The following PTPN12 variants were observed in gnomAD, a reference collection of about 807,000 sequenced individuals.
The protein encoded by PTPN12 is tyrosine-protein phosphatase non-receptor type 12.
A neutral mutation model predicts 97.6 loss-of-function variants in PTPN12; 29 were observed. That is an observed-to-expected ratio of 0.30 (90% CI 0.22 to 0.41). The LOEUF (loss-of-function observed/expected upper bound fraction) is 0.41, where lower values mean the gene tolerates loss of function less well. PTPN12 is among the 10% of genes least tolerant of loss of function. The probability of loss-of-function intolerance (pLI) is 1.00; values close to 1 mark genes in which losing one functional copy is unlikely to be tolerated. For synonymous variants in PTPN12, 327 were observed against 300.4 expected, an observed-to-expected ratio of 1.09 and a Z score of -0.91; for missense variants, 819 against 926.0, an observed-to-expected ratio of 0.88 and a Z score of 1.50.
At chr7:77,621,252 C>A (rs1788927545) in intron 12 of PTPN12, among the ~76,000 whole-genome samples, 1 of 152,122 alleles carries the variant, frequency 6.6e-6, no homozygotes, top group African/African-American at 2.4e-5. Context: ...CGGGCAGAAA[C>A]ACACATGGAG....
chr7:77,585,635 G>T, intron 5 of PTPN12, 54 bp downstream of exon 5: 1 of 1,453,730 alleles, frequency 6.9e-7, no homozygotes, highest in Non-Finnish European at 9.6e-7. Context: ...AATATTCTTA[G>T]TCTTTTATTA....
At chr7:77,542,270 A>G (rs1377161002) in intron 1 of PTPN12, among the ~76,000 whole-genome samples, 1 of 152,180 alleles carries the variant, frequency 6.6e-6, no homozygotes, top group Non-Finnish European at 1.5e-5. Flanking sequence ...GAAAATAGAC[A>G]TGCTGGTCCA....
chr7:77,569,388 GCT>G lies in PTPN12; in HGVS notation c.100-1684_100-1683del, dbSNP rs138848819. 1.3e-4 allele frequency among the ~76,000 whole-genome samples: 20 copies of G among 152,120 alleles called. No individual in the cohort carries two copies. The East Asian group carries it at 3.7e-3, about 28-fold the overall frequency. ...AAAAAGCTAACTCATTTGTTTTTCA[GCT>G]CTCTCATATTTGATGGTATGAATAA... is the stretch of plus-strand genomic sequence containing the variant. On this transcript the variant is annotated intron_variant, in intron 1 of 17. Coordinates refer to ENST00000248594, the MANE Select transcript of PTPN12 (RefSeq NM_002835.4).
intron 8 of PTPN12, among the ~76,000 whole-genome samples, chr7:77,602,920 TTTA>T (rs1377303141): frequency 1.3e-4 from 20 of 152,208 alleles, no homozygotes; most frequent in Admixed American, 1.3e-3. Flanking sequence ...AGATTTATTT[TTTA>T]TTATTTACAT....
chr7:77,633,395 G>T (rs1458870113), intron 14 of PTPN12, among the ~76,000 whole-genome samples: 1 of 151,912 alleles, frequency 6.6e-6, no homozygotes, highest in Non-Finnish European at 1.5e-5. Flanking sequence ...AGATCACGAG[G>T]TCAGGACATC....
chr7:77,553,569 C>T (rs1255120684), intron 1 of PTPN12, among the ~76,000 whole-genome samples: 1 of 152,180 alleles, frequency 6.6e-6, no homozygotes, highest in African/African-American at 2.4e-5. Context: ...ACTTTACTTG[C>T]CATGAAATCT....
intron 2 of PTPN12, among the ~76,000 whole-genome samples, chr7:77,580,468 G>A (rs1787478942): frequency 6.6e-6 from 1 of 152,124 alleles, no homozygotes; most frequent in Admixed American, 6.5e-5. Flanking sequence ...GTTTTTCAAA[G>A]TATATAACTA....
At chr7:77,541,028 G>T (rs1712748704) in intron 1 of PTPN12, among the ~76,000 whole-genome samples, 2 of 152,178 alleles carry the variant, frequency 1.3e-5, no homozygotes, top group African/African-American at 4.8e-5. Context: ...CTATCCAGCT[G>T]TCCTACAGTC....
At chr7:77,564,746 G>GTTTTTTTA (rs1808165507) in intron 1 of PTPN12, among the ~76,000 whole-genome samples, 6 of 45,402 alleles carry the variant, frequency 1.3e-4, no homozygotes, top group African/African-American at 5.4e-4. Context: ...TTGTTGTCGT[G>GTTTTTTTA]TTTTTTTTTT....
At chr7:77,609,649 G>A (rs1788495810) in intron 9 of PTPN12, among the ~76,000 whole-genome samples, 1 of 151,976 alleles carries the variant, frequency 6.6e-6, no homozygotes, top group African/African-American at 2.4e-5. Context: ...GGGAAGCCGA[G>A]GCGGGCGGAT....
chr7:77,570,995 G>A, intron 1 of PTPN12, 83 bp from the exon 2 acceptor site: 3 of 805,690 alleles, frequency 3.7e-6, no homozygotes, highest in South Asian at 1.9e-5. Flanking sequence ...GAGTTGTGAG[G>A]AATTGGGGTC....
At position 77,627,059 on chromosome 7, in the gene PTPN12, T is replaced by C. The variant is rs139997435; in HGVS notation, c.1380T>C (p.His460=). ...GGAACACACTTTTGAATAGGGGACA[T>C]GCAATTAAAATTAAATCTGCTTCAC... The part of the protein sequence containing the change: ...FDGNTLLNRG[H]AIKIKSASPC... Residue 460 remains histidine (H), a synonymous_variant, in exon 13 of 18, where the codon CAT becomes CAC. Coordinates refer to ENST00000248594, the MANE Select transcript of PTPN12 (RefSeq NM_002835.4). 1,550 of 1,613,896 alleles carry C rather than the reference T, an allele frequency of 9.6e-4. No homozygotes were observed. The highest frequency in any genetic ancestry group is 1.2e-3 in the South Asian group (106 of 91,060).
chr7:77,618,215 GGT>G (rs1788817199), intron 11 of PTPN12, among the ~76,000 whole-genome samples: 1 of 151,836 alleles, frequency 6.6e-6, no homozygotes, highest in Admixed American at 6.6e-5. Flanking sequence ...GTTTTTTTAC[GGT>G]AGCATTTGAG....
intron 8 of PTPN12, among the ~76,000 whole-genome samples, chr7:77,604,723 T>G (rs1788304491): frequency 6.6e-6 from 1 of 152,058 alleles, no homozygotes. Context: ...ATTTTGCATA[T>G]ATTTTTAGTA....
intron 12 of PTPN12, among the ~76,000 whole-genome samples, chr7:77,625,495 C>CTT (rs1279771879): frequency 3.8e-5 from 4 of 105,078 alleles, no homozygotes; most frequent in Non-Finnish European, 8.0e-5. Context: ...CTCTCTCTCT[C>CTT]TCTCTCTCTC....
At chr7:77,553,851 A>ATT (rs145024940) in intron 1 of PTPN12, among the ~76,000 whole-genome samples, 33,911 of 145,078 alleles carry the variant, frequency 0.23, 4,863 homozygotes, top group East Asian at 0.7. Flanking sequence ...CTTTGTTCCT[A>ATT]TTTTTTTTTT....
chr7:77,606,941 G>C (rs1788395622), intron 8 of PTPN12: 1 of 200,754 alleles, frequency 5.0e-6, no homozygotes, highest in Non-Finnish European at 1.0e-5. Flanking sequence ...TGTTATAATT[G>C]TTCTAATGTA....
In PTPN12 at chr7:77,639,677, T is replaced by C. The variant is rs181650872; in HGVS notation, c.*397T>C. On this transcript the variant is annotated 3_prime_UTR_variant, in exon 18 of 18. Coordinates refer to ENST00000248594, the MANE Select transcript of PTPN12 (RefSeq NM_002835.4). Reference sequence around the variant, plus strand: ...CAATTGAAATATTATTAACAGAAGATGTAAGAAATTTCTGCATGGTCTAAA... The same window carrying C: ...CAATTGAAATATTATTAACAGAAGACGTAAGAAATTTCTGCATGGTCTAAA... 7 of 158,874 alleles carry C rather than the reference T, an allele frequency of 4.4e-5. No homozygotes were observed. Among genetic ancestry groups the C allele is most frequent in the African/African-American group, 2.4e-5 (1 of 41,850 alleles). The allele number at this position is 158,874 out of a possible 1,614,324, so 9.8% of individuals were successfully genotyped here. A position where few individuals can be genotyped will look rare whatever the true frequency, so the allele number is the denominator to read the frequency against.
At chr7:77,581,161 C>T (rs970166890) in intron 2 of PTPN12, among the ~76,000 whole-genome samples, 3 of 152,114 alleles carry the variant, frequency 2.0e-5, no homozygotes, top group African/African-American at 7.2e-5. Flanking sequence ...CAACCTCTGC[C>T]TCCCAGCCAG....
Sources: allele counts gnomAD v4.1 joint callset (sites outside exome capture counted in the v4.1 genomes callset), GRCh38; gene constraint gnomAD v4.1.1; transcripts MANE v1.5; gene names NCBI Gene and HGNC (gene_info 2026-07-23, HGNC 2026-07-21).